Variants in PLXDC2 observed in about 807,000 individuals in gnomAD.
PLXDC2 encodes plexin domain-containing protein 2.
A neutral mutation model predicts 68.9 loss-of-function variants in PLXDC2; 40 were observed. The ratio of observed to expected loss-of-function variants is 0.58; its 90% CI spans 0.45 to 0.76. PLXDC2 has a LOEUF of 0.76. Among genes scored for constraint, PLXDC2 ranks in the 30% least tolerant of loss-of-function variants. PLXDC2 has a pLI of 0.00. For synonymous variants in PLXDC2, 243 were observed against 234.2 expected (o/e 1.04, Z -0.34); for missense variants, 644 against 661.9 (o/e 0.97, Z 0.30).
At chr10:20,007,870 T>C (rs897894942) in intron 2 of PLXDC2, among the ~76,000 whole-genome samples, 1 of 152,212 alleles carries the variant, frequency 6.6e-6, no homozygotes, top group Non-Finnish European at 1.5e-5. Context: ...GTATGTTTCA[T>C]GGAATTCTCA....
chr10:19,971,303 C>T (rs912795178), intron 1 of PLXDC2, among the ~76,000 whole-genome samples: 4 of 152,074 alleles, frequency 2.6e-5, no homozygotes, highest in African/African-American at 7.2e-5. Context: ...TGAGTTATTT[C>T]AAGAGGTGAA....
At chr10:20,184,255 G>A (rs1007854891) in intron 9 of PLXDC2, among the ~76,000 whole-genome samples, 4 of 151,152 alleles carry the variant, frequency 2.6e-5, no homozygotes, top group African/African-American at 7.3e-5. Flanking sequence ...GTAATGAAAA[G>A]AGAAACAAAA....
chr10:19,843,165 T>C (rs1458089197), intron 1 of PLXDC2, among the ~76,000 whole-genome samples: 1 of 152,146 alleles, frequency 6.6e-6, no homozygotes, highest in Non-Finnish European at 1.5e-5. Context: ...AAATCACATT[T>C]AGCTCAATTG....
intron 4 of PLXDC2, among the ~76,000 whole-genome samples, chr10:20,142,265 G>T (rs12356558): frequency 0.26 from 39,549 of 151,828 alleles, 5,803 homozygotes; most frequent in East Asian, 0.5. Flanking sequence ...ATTAGTGTCG[G>T]GTATCTAATT....
intron 1 of PLXDC2, among the ~76,000 whole-genome samples, chr10:19,928,469 G>A (rs1833575929): frequency 6.6e-6 from 1 of 152,142 alleles, no homozygotes; most frequent in Middle Eastern, 3.2e-3. Flanking sequence ...ATACCTTTTT[G>A]TAGTGCAAAT....
At chr10:20,214,192 G>A (rs544215194) in intron 10 of PLXDC2, among the ~76,000 whole-genome samples, 27 of 152,068 alleles carry the variant, frequency 1.8e-4, no homozygotes, top group African/African-American at 6.0e-4. Context: ...TATGATTTTT[G>A]TATATTCCAT....
At chr10:20,255,964 T>C (rs1054227409) in intron 13 of PLXDC2, among the ~76,000 whole-genome samples, 13 of 152,264 alleles carry the variant, frequency 8.5e-5, no homozygotes, top group Admixed American at 3.9e-4. Flanking sequence ...CATCACATAG[T>C]AAGTGAATAT....
chr10:19,974,496 A>G (rs925832058), intron 1 of PLXDC2, among the ~76,000 whole-genome samples: 5 of 152,242 alleles, frequency 3.3e-5, no homozygotes, highest in African/African-American at 1.2e-4. Context: ...AAGAAGGGAA[A>G]AATAAATTGC....
chr10:20,213,746 A>G (rs1162248133), intron 10 of PLXDC2, among the ~76,000 whole-genome samples: 1 of 152,102 alleles, frequency 6.6e-6, no homozygotes, highest in African/African-American at 2.4e-5. Context: ...GAACAAGTAC[A>G]TGGGCATTTT....
At chr10:19,899,444 A>C (rs1589526303) in intron 1 of PLXDC2, among the ~76,000 whole-genome samples, 1 of 152,154 alleles carries the variant, frequency 6.6e-6, no homozygotes. Flanking sequence ...TAAATTACCA[A>C]CTGTTGCCTA....
intron 1 of PLXDC2, among the ~76,000 whole-genome samples, chr10:19,837,215 A>C (rs1333941795): frequency 6.7e-6 from 1 of 150,296 alleles, no homozygotes; most frequent in Non-Finnish European, 1.5e-5. Flanking sequence ...AGGTTGAAGT[A>C]AAAAAAAGAA....
intron 3 of PLXDC2, among the ~76,000 whole-genome samples, chr10:20,050,791 G>A (rs1835885141): frequency 6.6e-6 from 1 of 152,106 alleles, no homozygotes; most frequent in Non-Finnish European, 1.5e-5. Context: ...TGGTGATGGT[G>A]TAAATTAGTT....
chr10:19,940,471 G>A (rs1833799693), intron 1 of PLXDC2, among the ~76,000 whole-genome samples: 2 of 151,278 alleles, frequency 1.3e-5, no homozygotes, highest in South Asian at 4.1e-4. Context: ...TCCTAAGACA[G>A]GTCATTCCTT....
intron 13 of PLXDC2, among the ~76,000 whole-genome samples, chr10:20,271,972 C>T (rs186645207): frequency 2.9e-4 from 44 of 152,228 alleles, no homozygotes; most frequent in African/African-American, 1.0e-3. Context: ...TACTGTTTTA[C>T]ATAAAGTTGT....
intron 4 of PLXDC2, among the ~76,000 whole-genome samples, chr10:20,100,909 C>T (rs10827965): frequency 4.0e-5 from 6 of 151,654 alleles, no homozygotes; most frequent in African/African-American, 1.5e-4. Context: ...ATTAACAGCA[C>T]GTTGTGAATT....
At chr10:20,154,787 CT>C (rs904737815) in intron 6 of PLXDC2, among the ~76,000 whole-genome samples, 1 of 151,398 alleles carries the variant, frequency 6.6e-6, no homozygotes, top group Non-Finnish European at 1.5e-5. Flanking sequence ...AACTCGGGTT[CT>C]TTTTTTTCAC....
chr10:19,879,121 T>C lies in PLXDC2; in HGVS notation c.112+61930T>C, dbSNP rs1025736870. Reference sequence around the variant, plus strand: ...TCTAGGGATTAAAATTTCTTAAGCATGCATTTAGAGGAAAAATAACATCCC... The same window carrying C: ...TCTAGGGATTAAAATTTCTTAAGCACGCATTTAGAGGAAAAATAACATCCC... On this transcript the variant is annotated intron_variant, in intron 1 of 13. Transcript: ENST00000377252. Among the ~76,000 whole-genome samples the C allele has an allele frequency of 2.0e-5, 3 of 152,174 alleles. No homozygotes were observed. The East Asian group carries it at 5.8e-4, about 29-fold the overall frequency.
At chr10:20,075,007 C>G (rs73603698) in intron 4 of PLXDC2, among the ~76,000 whole-genome samples, 11,947 of 152,060 alleles carry the variant, frequency 0.079, 990 homozygotes, top group African/African-American at 0.21. Context: ...AAACTCAAGT[C>G]TCAAGGATTC....
chr10:20,178,246 G>C (rs1322585374), intron 9 of PLXDC2, among the ~76,000 whole-genome samples: 1 of 152,110 alleles, frequency 6.6e-6, no homozygotes, highest in Non-Finnish European at 1.5e-5. Context: ...TAATTTACTG[G>C]TGTCAAAGAG....
Sources: gnomAD v4.1 joint callset for allele counts (sites outside exome capture counted in the v4.1 genomes callset) on GRCh38, gnomAD v4.1.1 for gene constraint, MANE v1.5 for transcripts, NCBI Gene and HGNC (gene_info 2026-07-23, HGNC 2026-07-21) for gene names.